ZNF430: variants seen among roughly 807,000 people sequenced by gnomAD.
The protein encoded by ZNF430 is zinc finger protein 430.
Under a neutral mutation model 56.7 loss-of-function variants are expected in ZNF430, and 35 were observed. The observed-to-expected ratio is 0.62, with a 90% CI of 0.47 to 0.82. The LOEUF (loss-of-function observed/expected upper bound fraction) is 0.82, where lower values mean the gene tolerates loss of function less well. ZNF430 is among the 40% of genes least tolerant of loss of function. ZNF430 has a pLI of 0.00. For synonymous variants in ZNF430, 212 were observed against 224.3 expected (o/e 0.94, Z 0.49); for missense variants, 574 against 661.0 (o/e 0.87, Z 1.44).
At chr19:21,040,642 A>T (rs1968085704) in intron 4 of ZNF430, among the ~76,000 whole-genome samples, 1 of 152,142 alleles carries the variant, frequency 6.6e-6, no homozygotes, top group Admixed American at 6.5e-5. Flanking sequence ...ACTCTCAGTT[A>T]TTTGTCTATA....
chr19:21,056,872 A>AT lies in ZNF430; in HGVS notation c.568dup (p.Ser190PhefsTer19). The AT allele has an allele frequency of 6.2e-7, 1 of 1,609,464 alleles. No individual in the cohort carries two copies. The highest frequency in any genetic ancestry group is 8.5e-7 in the Non-Finnish European group (1 of 1,178,084). ...ATAAATATGTGAATGTCTTTTATAA[A>AT]TTTTCAAATCCAAATATACAAAAGA... is the stretch of plus-strand genomic sequence containing the variant. On this transcript the variant is annotated frameshift_variant, in exon 5 of 5. Transcript: ENST00000261560. LOFTEE classifies it high-confidence loss of function.
chr19:21,055,517 C>T (rs1968359751), intron 4 of ZNF430, among the ~76,000 whole-genome samples: 1 of 151,660 alleles, frequency 6.6e-6, no homozygotes, highest in South Asian at 2.1e-4. Context: ...GGCGCAATCT[C>T]GGCTCACTGC....
intron 4 of ZNF430, among the ~76,000 whole-genome samples, chr19:21,052,505 A>G (rs985660970): frequency 2.0e-5 from 3 of 152,194 alleles, no homozygotes; most frequent in Non-Finnish European, 2.9e-5. Flanking sequence ...AATGTAAGAT[A>G]CAAACACACA....
In ZNF430 at chr19:21,020,726, G is replaced by T; in HGVS notation, c.-75G>T. On this transcript the variant is annotated 5_prime_UTR_variant, in exon 1 of 5. The change creates a new upstream start codon in the 5' untranslated region. Coordinates refer to ENST00000261560, the MANE Select transcript of ZNF430 (RefSeq NM_025189.4). ...TGTGTCCTCTGCTCCTAGAGGTCCA[G>T]GCTCTGTGGCCCTGTGACCCGCAGG... The T allele has an allele frequency of 6.3e-7, 1 of 1,591,500 alleles. No individual in the cohort carries two copies. The highest frequency in any genetic ancestry group is 1.3e-5 in the African/African-American group (1 of 74,494).
At chr19:21,028,613 A>G (rs181566634) in intron 2 of ZNF430, among the ~76,000 whole-genome samples, 1 of 152,204 alleles carries the variant, frequency 6.6e-6, no homozygotes, top group Non-Finnish European at 1.5e-5. Flanking sequence ...TGTCAGGCTG[A>G]CAAGAGTGGT....
At chr19:21,034,559 CT>C (rs1214089254) in intron 4 of ZNF430, 1 of 154,458 alleles carries the variant, frequency 6.5e-6, no homozygotes, top group Non-Finnish European at 1.4e-5. Flanking sequence ...TTTTTTGAGA[CT>C]GAGTTTCATG....
intron 4 of ZNF430, among the ~76,000 whole-genome samples, chr19:21,037,405 A>G (rs1968023123): frequency 6.6e-6 from 1 of 152,160 alleles, no homozygotes; most frequent in African/African-American, 2.4e-5. Flanking sequence ...GGTGTGAGTC[A>G]CACGCTTGGC....
At position 21,058,446 on chromosome 19, in the gene ZNF430, GAA is replaced by G. The variant is rs35595597; in HGVS notation, c.*438_*439del. The G allele has an allele frequency of 2.7e-4, 33 of 121,810 alleles. No individual in the cohort carries two copies. Among genetic ancestry groups the G allele is most frequent in the Admixed American group, 3.5e-4 (4 of 11,584 alleles). The allele number at this position is 121,810 out of a possible 1,614,324, so 7.5% of individuals were successfully genotyped here. On this transcript the variant is annotated 3_prime_UTR_variant, in exon 5 of 5. Coordinates refer to ENST00000261560, the MANE Select transcript of ZNF430 (RefSeq NM_025189.4). ...GCAACAAGAGTGGCACTCCATCTCA[GAA>G]AAAAAAAAAAAAGATAATTCATACT...
intron 4 of ZNF430, among the ~76,000 whole-genome samples, chr19:21,039,767 A>G (rs905656581): frequency 6.6e-6 from 1 of 152,148 alleles, no homozygotes; most frequent in South Asian, 2.1e-4. Flanking sequence ...CACCCGGCCT[A>G]CTTTTGCTTT....
chr19:21,051,256 T>C (rs1290663512), intron 4 of ZNF430, among the ~76,000 whole-genome samples: 2 of 151,522 alleles, frequency 1.3e-5, no homozygotes, highest in Non-Finnish European at 2.9e-5. Context: ...CATTTCATTT[T>C]GCATAATATC....
At chr19:21,048,162 ATCTTTTTTT>A (rs140036486) in intron 4 of ZNF430, among the ~76,000 whole-genome samples, 1 of 109,610 alleles carries the variant, frequency 9.1e-6, no homozygotes, top group Non-Finnish European at 1.8e-5. Flanking sequence ...TACATAAAAC[ATCTTTTTTT>A]TTTTTTTTTT....
chr19:21,045,998 G>A (rs927186561), intron 4 of ZNF430, among the ~76,000 whole-genome samples: 4 of 152,086 alleles, frequency 2.6e-5, no homozygotes, highest in African/African-American at 9.7e-5. Context: ...GACATTCTGT[G>A]TCTTTTAATG....
chr19:21,033,394 A>G, intron 2 of ZNF430, 62 bp from the exon 3 acceptor site: 1 of 1,551,662 alleles, frequency 6.4e-7, no homozygotes, highest in Non-Finnish European at 8.7e-7. Context: ...AATTCAAATA[A>G]TAAATTCTGC....
chr19:21,035,032 G>C (rs1967972995), intron 4 of ZNF430: 1 of 151,962 alleles, frequency 6.6e-6, no homozygotes, highest in South Asian at 2.1e-4. Context: ...CCTCACGATT[G>C]CTTTGGCTAT....
At chr19:21,041,947 C>T (rs1019154479) in intron 4 of ZNF430, among the ~76,000 whole-genome samples, 2 of 152,054 alleles carry the variant, frequency 1.3e-5, no homozygotes, top group African/African-American at 4.8e-5. Flanking sequence ...CTCCTGACCT[C>T]GTGATCTGCC....
Position 21,057,918 on chromosome 19 carries a change from G to A in ZNF430, c.1610G>A (p.Gly537Glu), listed in dbSNP as rs1202753228. The A allele has an allele frequency of 7.4e-6, 12 of 1,613,560 alleles. No individual in the cohort carries two copies. Among genetic ancestry groups the A allele is most frequent in the Non-Finnish European group, 1.0e-5 (12 of 1,179,850 alleles). ...ACTAAACATAAGGTAATTCATACTG[G>A]AGAGAAACCCTACAACTGTGAAGAA... ...TLTKHKVIHT[G>E]EKPYNCEEYG... The change falls in exon 5 of 5, where the codon GGA (glycine) becomes GAA (glutamate). Residue 537 changes from glycine (G) to glutamate (E), a missense_variant. By Grantham distance (98) the Gly-to-Glu change is moderately conservative (BLOSUM62 -2). Transcript: ENST00000261560.
intron 4 of ZNF430, among the ~76,000 whole-genome samples, chr19:21,044,383 T>C (rs1425063865): frequency 6.6e-6 from 1 of 152,206 alleles, no homozygotes; most frequent in Non-Finnish European, 1.5e-5. Context: ...ATGAATTGTA[T>C]TTATTGATTT....
intron 1 of ZNF430, among the ~76,000 whole-genome samples, chr19:21,021,259 G>C (rs1967677137): frequency 6.6e-6 from 1 of 152,144 alleles, no homozygotes; most frequent in African/African-American, 2.4e-5. Context: ...AGTACTTTGG[G>C]AGGCCGAGGC....
At chr19:21,049,961 G>T (rs113354732) in intron 4 of ZNF430, among the ~76,000 whole-genome samples, 6,930 of 18,602 alleles carry the variant, frequency 0.37, 541 homozygotes, top group African/African-American at 0.5. Flanking sequence ...GTCTCTCTCT[G>T]TCACCCAGGC....
Sources: allele counts gnomAD v4.1 joint callset (sites outside exome capture counted in the v4.1 genomes callset), GRCh38; gene constraint gnomAD v4.1.1; transcripts MANE v1.5; gene names NCBI Gene and HGNC (gene_info 2026-07-23, HGNC 2026-07-21).